PGLYRP4: variants seen among roughly 807,000 people sequenced by gnomAD.
The protein encoded by PGLYRP4 is peptidoglycan recognition protein 4.
In PGLYRP4, 39 loss-of-function variants were observed where a neutral mutation model predicts 41.2. That is an observed-to-expected ratio of 0.95 (90% CI 0.73 to 1.24). The LOEUF (loss-of-function observed/expected upper bound fraction) is 1.24. Among genes scored for constraint, PGLYRP4 ranks in the 50% most tolerant of loss-of-function variants. The probability of loss-of-function intolerance (pLI) is 0.00; values close to 1 mark genes in which losing one functional copy is unlikely to be tolerated. For missense variants in PGLYRP4, 467 were observed against 460.7 expected (o/e 1.01, Z -0.13); for synonymous variants, 202 against 186.8 (o/e 1.08, Z -0.66).
intron 4 of PGLYRP4, among the ~76,000 whole-genome samples, chr1:153,343,587 T>C (rs1181976925): frequency 2.0e-5 from 3 of 152,150 alleles, no homozygotes; most frequent in African/African-American, 7.2e-5. Flanking sequence ...GCCTGTGTGA[T>C]CCACGCAGAG....
chr1:153,331,999 G>T (rs532423519), intron 8 of PGLYRP4, among the ~76,000 whole-genome samples: 5 of 151,962 alleles, frequency 3.3e-5, no homozygotes, highest in African/African-American at 1.2e-4. Flanking sequence ...TGAACTAAAG[G>T]CTTCACTTAA....
intron 4 of PGLYRP4, among the ~76,000 whole-genome samples, chr1:153,344,693 GC>G (rs1292218112): frequency 6.6e-6 from 1 of 152,158 alleles, no homozygotes; most frequent in Non-Finnish European, 1.5e-5. Flanking sequence ...CCTCACTGAG[GC>G]TGGAGCCCAT....
chr1:153,336,536 A>T (rs1048797589), intron 8 of PGLYRP4, among the ~76,000 whole-genome samples: 15 of 152,182 alleles, frequency 9.9e-5, no homozygotes, highest in Non-Finnish European at 1.9e-4. Context: ...CAATGGGTAC[A>T]TATTGGCACA....
At chr1:153,345,988 C>A in intron 3 of PGLYRP4, 114 bp downstream of exon 3, 1 of 788,408 alleles carries the variant, frequency 1.3e-6, no homozygotes, top group East Asian at 2.4e-5. Context: ...TGCACTTCAA[C>A]CCCATTTTCC....
rs960765086 is a variant in PGLYRP4 at position 153,330,969 on chromosome 1, T to C, written c.944-24A>G. 1.0e-5 allele frequency: 16 copies of C among 1,600,182 alleles called. 1 individual carries two copies. Among genetic ancestry groups the C allele is most frequent in the African/African-American group, 4.0e-5 (3 of 74,586 alleles). On this transcript the variant is annotated intron_variant, in intron 8 of 8. Coordinates refer to ENST00000359650, the MANE Select transcript of PGLYRP4 (RefSeq NM_020393.4). ...ACCTGCAAAACACAGCAGCCCATTGTCTACAGGATTACAGGGCACCCTGCA... is the reference window on the plus strand; with the variant it reads ...ACCTGCAAAACACAGCAGCCCATTGCCTACAGGATTACAGGGCACCCTGCA...
intron 4 of PGLYRP4, among the ~76,000 whole-genome samples, chr1:153,344,001 G>C (rs1205451737): frequency 1.3e-5 from 2 of 152,098 alleles, no homozygotes; most frequent in East Asian, 3.9e-4. Flanking sequence ...AAAGCAGACT[G>C]GGGGGCGGTG....
chr1:153,339,854 A>G (rs945122686), intron 7 of PGLYRP4, among the ~76,000 whole-genome samples: 1 of 152,212 alleles, frequency 6.6e-6, no homozygotes, highest in African/African-American at 2.4e-5. Flanking sequence ...GCATTAGAGA[A>G]ATCAAAAGAT....
In PGLYRP4 at chr1:153,340,493, T is replaced by C. The variant is rs1168706741; in HGVS notation, c.712A>G (p.Ile238Val). ...RMTLPAKYGI[I>V]IHTAGRTCNI... is the part of the protein sequence containing the mutation. ...CAGGTCCTCCCGGCAGTGTGGATAA[T>C]GATGCCATACTTCGCTGGGAGAGTC... The change falls in exon 7 of 9, where the codon ATT (isoleucine) becomes GTT (valine). Residue 238 changes from isoleucine to valine, a missense_variant. Transcript: ENST00000359650. The C allele has an allele frequency of 6.2e-7, 1 of 1,614,170 alleles. No homozygotes were observed. The highest frequency in any genetic ancestry group is 2.2e-5 in the East Asian group (1 of 44,876).
In PGLYRP4 at chr1:153,330,466, T is replaced by G; in HGVS notation, c.*301A>C. 1 of 212,652 alleles carries G rather than the reference T, an allele frequency of 4.7e-6. No individual in the cohort carries two copies. Among genetic ancestry groups the G allele is most frequent in the Admixed American group, 5.1e-5 (1 of 19,660 alleles). 13.2% of individuals were successfully genotyped at this position (212,652 alleles called of 1,614,324 possible). ...AGGGGAATGGAGAGAGAGAGAGAAA[T>G]GAAACAAGAACCAGCCCATTGTCTC... On this transcript the variant is annotated 3_prime_UTR_variant, in exon 9 of 9. Coordinates refer to ENST00000359650, the MANE Select transcript of PGLYRP4 (RefSeq NM_020393.4).
chr1:153,348,360 C>G (rs955667490), intron 1 of PGLYRP4, among the ~76,000 whole-genome samples, 168 bp downstream of exon 1: 1 of 152,102 alleles, frequency 6.6e-6, no homozygotes, highest in Non-Finnish European at 1.5e-5. Flanking sequence ...GGGTCTTATG[C>G]AGAGAATCCC....
chr1:153,337,703 G>A (rs935319936), intron 7 of PGLYRP4, among the ~76,000 whole-genome samples: 3 of 152,126 alleles, frequency 2.0e-5, no homozygotes, highest in Non-Finnish European at 4.4e-5. Flanking sequence ...AGTCAATGAA[G>A]ATAAAAGAGA....
intron 4 of PGLYRP4, among the ~76,000 whole-genome samples, chr1:153,343,965 T>C (rs1190583352): frequency 1.3e-5 from 2 of 152,026 alleles, no homozygotes; most frequent in Non-Finnish European, 2.9e-5. Flanking sequence ...TCCTTTCCCT[T>C]CAGGTGCACT....
intron 2 of PGLYRP4, among the ~76,000 whole-genome samples, chr1:153,347,262 A>G (rs1661050866): frequency 1.3e-5 from 2 of 151,682 alleles, no homozygotes; most frequent in Non-Finnish European, 2.9e-5. Flanking sequence ...GATGGTCTCG[A>G]TCTCTTGACC....
Position 153,341,733 on chromosome 1 carries a change from G to A in PGLYRP4, c.519C>T (p.Ile173=). Residue 173 remains isoleucine, a synonymous_variant, in exon 6 of 9, where the codon ATC becomes ATT. Coordinates refer to ENST00000359650, the MANE Select transcript of PGLYRP4 (RefSeq NM_020393.4). ...PAALSAMENL[I]TYAVQKGHLS... The stretch of plus-strand genomic sequence containing the variant: ...GGTGGCCCTTCTGGACAGCATAGGT[G>A]ATTAGGTTTTCCATGGCCGACAGGG... The A allele has an allele frequency of 6.2e-7, 1 of 1,614,052 alleles. No homozygotes were observed. The highest frequency in any genetic ancestry group is 8.5e-7 in the Non-Finnish European group (1 of 1,180,018).
rs10888551 is a variant in PGLYRP4, at chr1:153,330,411, G to A, written c.*356C>T. 74,485 of 174,178 alleles carry A rather than the reference G, an allele frequency of 0.43. 16,943 individuals are homozygous for A. The highest frequency in any genetic ancestry group is 0.51 in the Non-Finnish European group (41,204 of 80,616). 10.8% of individuals were successfully genotyped at this position (174,178 alleles called of 1,614,324 possible). On this transcript the variant is annotated 3_prime_UTR_variant, in exon 9 of 9. Transcript: ENST00000359650. ...ATAGGTGGGAGGTGGGGGCTGCCAG[G>A]CAGACACCAGGGGAAGGCTCACCAG...
rs371894383 is a variant in PGLYRP4, at chr1:153,341,731, G to A, written c.521C>T (p.Thr174Ile). ...AALSAMENLI[T>I]YAVQKGHLSS... ...CAGGTGGCCCTTCTGGACAGCATAGGTGATTAGGTTTTCCATGGCCGACAG... is the reference window on the plus strand; with the variant it reads ...CAGGTGGCCCTTCTGGACAGCATAGATGATTAGGTTTTCCATGGCCGACAG... Residue 174 changes from threonine to isoleucine, a missense_variant, in exon 6 of 9, where the codon ACC becomes ATC. Transcript: ENST00000359650. The A allele has an allele frequency of 4.4e-5, 71 of 1,614,052 alleles. No homozygotes were observed. The highest frequency in any genetic ancestry group is 5.7e-5 in the Non-Finnish European group (67 of 1,180,014).
At chr1:153,341,579 T>TG (rs1322426542) in intron 6 of PGLYRP4, 48 bp downstream of exon 6, 1 of 1,553,416 alleles carries the variant, frequency 6.4e-7, no homozygotes, top group East Asian at 2.3e-5. Context: ...GCGAGTTAGT[T>TG]GGGGTGAGCC....
chr1:153,346,113 A>G lies in PGLYRP4; in HGVS notation c.128T>C (p.Leu43Pro). 6.2e-7 allele frequency: 1 copy of G among 1,612,444 alleles called. No individual in the cohort carries two copies. The change falls in exon 3 of 9, where the codon CTC (leucine) becomes CCC (proline). Residue 43 changes from leucine (L) to proline (P), a missense_variant. Coordinates refer to ENST00000359650, the MANE Select transcript of PGLYRP4 (RefSeq NM_020393.4). ...LQYLFENISQ[L>P]TEKGLPTDVS... ...CAGATCCAGTTTACCTTTTTCAGTG[A>G]GCTGGGAGATGTTCTCAAATAGGTA...
At chr1:153,332,795 T>C (rs1263064946) in intron 8 of PGLYRP4, among the ~76,000 whole-genome samples, 2 of 152,042 alleles carry the variant, frequency 1.3e-5, no homozygotes, top group African/African-American at 2.4e-5. Flanking sequence ...GGGTCGATGA[T>C]AAAATTAAGG....
Sources: allele counts gnomAD v4.1 joint callset (sites outside exome capture counted in the v4.1 genomes callset), GRCh38; gene constraint gnomAD v4.1.1; transcripts MANE v1.5; gene names NCBI Gene and HGNC (gene_info 2026-07-23, HGNC 2026-07-21).